The following RGS3 variants were observed in gnomAD, a reference collection of about 807,000 sequenced individuals.
RGS3 encodes regulator of G protein signaling 3, also known as regulator of G-protein signalling 3.
Under a neutral mutation model 132.6 loss-of-function variants are expected in RGS3, and 80 were observed. That is an observed-to-expected ratio of 0.60 (90% CI 0.50 to 0.73). RGS3 has a LOEUF of 0.73. RGS3 is among the 30% of genes least tolerant of loss of function. RGS3 has a pLI of 0.00. For synonymous variants in RGS3, 598 were observed against 620.6 expected (o/e 0.96, Z 0.54); for missense variants, 1,382 against 1,530.8 (o/e 0.90, Z 1.62).
At chr9:113,467,810 G>A (rs1265961132) in intron 3 of RGS3, among the ~76,000 whole-genome samples, 1 of 152,010 alleles carries the variant, frequency 6.6e-6, no homozygotes. Context: ...AACCTCCTGT[G>A]CTTAAGCGAT....
intron 4 of RGS3, among the ~76,000 whole-genome samples, chr9:113,481,964 T>G (rs1830173360): frequency 1.3e-5 from 2 of 151,360 alleles, no homozygotes; most frequent in South Asian, 4.2e-4. Context: ...GAGAATCACT[T>G]GAACCCGGGA....
chr9:113,465,231 C>T (rs1829592317), intron 3 of RGS3, among the ~76,000 whole-genome samples: 1 of 152,080 alleles, frequency 6.6e-6, no homozygotes, highest in Non-Finnish European at 1.5e-5. Flanking sequence ...TGTCAGGGAG[C>T]TGTGAGGCCC....
intron 3 of RGS3, among the ~76,000 whole-genome samples, chr9:113,473,812 C>T (rs1376484639): frequency 1.3e-5 from 2 of 152,138 alleles, no homozygotes; most frequent in Admixed American, 6.6e-5. Flanking sequence ...GTGCTGAGTA[C>T]CTAGTAAACA....
intron 19 of RGS3, among the ~76,000 whole-genome samples, chr9:113,573,690 G>T (rs10981829): frequency 6.6e-6 from 1 of 152,116 alleles, no homozygotes; most frequent in Non-Finnish European, 1.5e-5. Context: ...ATTTGGGAGG[G>T]TCACTGGGTG....
intron 19 of RGS3, among the ~76,000 whole-genome samples, chr9:113,553,461 T>A (rs28603015): frequency 0.49 from 16,676 of 34,062 alleles, 3,122 homozygotes; most frequent in East Asian, 0.58. Context: ...AAAAAAAAAA[T>A]ATATATATAT....
At chr9:113,480,718 G>A (rs1194070736) in intron 4 of RGS3, among the ~76,000 whole-genome samples, 7 of 152,196 alleles carry the variant, frequency 4.6e-5, no homozygotes, top group African/African-American at 1.7e-4. Context: ...CAAAGGCCTG[G>A]GGGTCAGAGA....
intron 20 of RGS3, 40 bp downstream of exon 18, chr9:113,584,467 T>C (rs757434824): frequency 2.0e-6 from 3 of 1,492,032 alleles, no homozygotes; most frequent in Non-Finnish European, 2.7e-6. Context: ...ATACATGCAA[T>C]GTGGGGAGGG....
intron 10 of RGS3, among the ~76,000 whole-genome samples, chr9:113,500,144 G>A (rs1010545318): frequency 6.6e-6 from 1 of 152,170 alleles, no homozygotes; most frequent in Non-Finnish European, 1.5e-5. Flanking sequence ...TTGTTCTGAG[G>A]TGCACTGGAT....
intron 19 of RGS3, among the ~76,000 whole-genome samples, chr9:113,562,729 C>A (rs1833846263): frequency 6.6e-6 from 1 of 152,178 alleles, no homozygotes; most frequent in South Asian, 2.1e-4. Context: ...TGAACAGCAC[C>A]ATCATTTATG....
intron 19 of RGS3, among the ~76,000 whole-genome samples, chr9:113,572,930 C>T (rs1248012738): frequency 1.3e-5 from 2 of 152,242 alleles, no homozygotes; most frequent in African/African-American, 2.4e-5. Context: ...GGTCAGAATA[C>T]GTCAAGTGCC....
At chr9:113,457,555 AGAAGTCTCAGTCCTGCTAGACCGTAGCC>A (rs1279700742), upstream of RGS3, among the ~76,000 whole-genome samples, 1 of 152,250 alleles carries the variant, frequency 6.6e-6, no homozygotes, top group Non-Finnish European at 1.5e-5. Context: ...CAGTAGCCAC[AGAAGTCTCAGTCCTGCTAGACCGTAGCC>A]TTGCCACTTT....
chr9:113,459,052 C>G (rs982235529), upstream of RGS3, among the ~76,000 whole-genome samples: 32 of 152,172 alleles, frequency 2.1e-4, no homozygotes, highest in African/African-American at 5.5e-4. Flanking sequence ...CATCCAGCCT[C>G]TATTGTATAT....
At chr9:113,596,806 C>T (rs1226878340) in exon 25 of RGS3, 1 of 1,613,272 alleles carries the variant, frequency 6.2e-7, no homozygotes, top group Admixed American at 1.7e-5. Flanking sequence ...ACACCAAGGA[C>T]AACCTGCAGA....
At chr9:113,449,327 A>G (rs1166992966) in intron 1 of RGS3, among the ~76,000 whole-genome samples, 1 of 152,162 alleles carries the variant, frequency 6.6e-6, no homozygotes, top group Non-Finnish European at 1.5e-5. Context: ...AGGGAAAGGG[A>G]GGAGTGAGGT....
At chr9:113,447,600 A>G (rs1564431842) in intron 1 of RGS3, among the ~76,000 whole-genome samples, 3 of 151,668 alleles carry the variant, frequency 2.0e-5, no homozygotes, top group African/African-American at 7.3e-5. Flanking sequence ...TTATTTGCTC[A>G]TTCATTTATT....
intron 19 of RGS3, among the ~76,000 whole-genome samples, chr9:113,554,562 C>T (rs941210100): frequency 2.6e-5 from 4 of 152,238 alleles, no homozygotes; most frequent in African/African-American, 2.4e-5. Context: ...TCACCTCAGC[C>T]TCCCAAAGTG....
In RGS3 at chr9:113,514,599, A is replaced by G. The variant is rs776052663; in HGVS notation, c.1619A>G (p.Tyr540Cys). ...AGGCCGCATGCCACGCACTCAAGCT[A>G]TGGCACCTACGTCACCCTGGCCCCC... is the stretch of plus-strand genomic sequence containing the variant. The change falls in exon 15 of 25, where the codon TAT (tyrosine) becomes TGT (cysteine). Residue 540 changes from tyrosine to cysteine, a missense_variant. Physicochemically the swap from Tyr to Cys is radical, Grantham distance 194 (BLOSUM62 -2). Transcript: ENST00000350696. The G allele has an allele frequency of 1.5e-5, 25 of 1,613,944 alleles. No homozygotes were observed. In the South Asian group the frequency reaches 2.0e-4, roughly 13 times the overall value.
chr9:113,559,341 C>T (rs143558244), intron 19 of RGS3, among the ~76,000 whole-genome samples: 1,718 of 152,346 alleles, frequency 0.011, 14 homozygotes, highest in Non-Finnish European at 0.019. Context: ...GGAAGGGAGA[C>T]AGTCATGGCT....
At position 113,495,651 on chromosome 9, in the gene RGS3, G is replaced by A. The variant is rs1830657448; in HGVS notation, c.690-135G>A. 1.2e-5 allele frequency: 9 copies of A among 741,368 alleles called. No homozygotes were observed. In the East Asian group the frequency reaches 2.3e-4, roughly 19 times the overall value. The allele number at this position is 741,368 out of a possible 1,614,324, so 45.9% of individuals were successfully genotyped here. A position where few individuals can be genotyped will look rare whatever the true frequency, so the allele number is the denominator to read the frequency against. ...CTATCCTGCCTCACAGAGTCAGAAG[G>A]ATCAAACGAGATGATGTGGGTAAAA... On this transcript the variant is annotated intron_variant, in intron 7 of 24. Transcript: ENST00000350696.
Sources: allele counts gnomAD v4.1 joint callset (sites outside exome capture counted in the v4.1 genomes callset), GRCh38; gene constraint gnomAD v4.1.1; transcripts MANE v1.5; gene names NCBI Gene and HGNC (gene_info 2026-07-23, HGNC 2026-07-21).